The following BMP6 variants were observed in gnomAD, a reference collection of about 807,000 sequenced individuals.
The protein encoded by BMP6 is bone morphogenetic protein 6.
BMP6 carries 17 observed loss-of-function variants against 54.1 expected under a neutral mutation model. The ratio of observed to expected loss-of-function variants is 0.31; its 90% CI spans 0.22 to 0.47. The LOEUF (loss-of-function observed/expected upper bound fraction) is 0.47, where lower values mean the gene tolerates loss of function less well. Ranked by LOEUF, BMP6 falls within the 20% of genes least tolerant of loss-of-function variation. The pLI is 1.00. For synonymous variants in BMP6, 328 were observed against 291.2 expected, an observed-to-expected ratio of 1.13 and a Z score of -1.28; for missense variants, 720 against 690.4, an observed-to-expected ratio of 1.04 and a Z score of -0.48.
intron 1 of BMP6, among the ~76,000 whole-genome samples, chr6:7,834,185 C>CTTTT (rs34020369): frequency 3.7e-5 from 4 of 107,624 alleles, no homozygotes; most frequent in African/African-American, 1.4e-4. Flanking sequence ...AGAACAAATG[C>CTTTT]TTTTTTTTTT....
At chr6:7,825,613 G>A (rs753420260) in intron 1 of BMP6, among the ~76,000 whole-genome samples, 16 of 151,966 alleles carry the variant, frequency 1.1e-4, no homozygotes, top group Non-Finnish European at 2.4e-4. Context: ...ACTGCTACTC[G>A]GGAGGCTGAG....
intron 1 of BMP6, among the ~76,000 whole-genome samples, chr6:7,840,022 G>A (rs7754899): frequency 0.069 from 10,520 of 152,202 alleles, 562 homozygotes; most frequent in African/African-American, 0.15. Flanking sequence ...AAGAAGGAGA[G>A]GAGTTACTGG....
chr6:7,862,312 C>A lies in BMP6; in HGVS notation c.1018C>A (p.His340Asn). ...SVVTRDGVHV[H>N]PRAAGLVGRD... ...GATTTGCATTAAAGGAGTCCACGTC[C>A]ACCCCCGAGCCGCAGGCCTGGTGGG... The change falls in exon 4 of 7, where the codon CAC becomes AAC. Residue 340 changes from histidine (H) to asparagine (N), a missense_variant. This residue lies in a region of BMP6 where 650 missense variants were observed against 556.3 expected (regional missense o/e 1.17). Coordinates refer to ENST00000283147, the MANE Select transcript of BMP6 (RefSeq NM_001718.6). The A allele has an allele frequency of 6.2e-7, 1 of 1,614,210 alleles. No individual in the cohort carries two copies. The highest frequency in any genetic ancestry group is 1.3e-5 in the African/African-American group (1 of 75,054).
At position 7,813,620 on chromosome 6, in the gene BMP6, G is replaced by T. The variant is rs534857789; in HGVS notation, c.665-31520G>T. Among the ~76,000 whole-genome samples, 26 of 125,972 alleles carry T rather than the reference G, an allele frequency of 2.1e-4. No individual in the cohort carries two copies. In the South Asian group the frequency reaches 6.4e-3, roughly 31 times the overall value. The allele number at this position is 125,972 out of a possible 152,430, so 82.6% of individuals were successfully genotyped here. ...ATCACACCACTGCGCTCCAGCCAGGGTGACAGAGTGTGACCCTGTCTCAAA... is the reference window on the plus strand; with the variant it reads ...ATCACACCACTGCGCTCCAGCCAGGTTGACAGAGTGTGACCCTGTCTCAAA... On this transcript the variant is annotated intron_variant, in intron 1 of 6. Coordinates refer to ENST00000283147, the MANE Select transcript of BMP6 (RefSeq NM_001718.6).
At chr6:7,820,012 C>T (rs961327477) in intron 1 of BMP6, among the ~76,000 whole-genome samples, 3 of 152,052 alleles carry the variant, frequency 2.0e-5, no homozygotes, top group African/African-American at 7.2e-5. Flanking sequence ...TACTTTTAAA[C>T]TTTTTGTTTT....
chr6:7,731,005 A>T (rs973259345), intron 1 of BMP6, among the ~76,000 whole-genome samples: 2 of 152,262 alleles, frequency 1.3e-5, no homozygotes, highest in Admixed American at 1.3e-4. Context: ...CAGCCGGACT[A>T]TCAGGAAGTG....
intron 1 of BMP6, among the ~76,000 whole-genome samples, chr6:7,779,200 C>T (rs557780716): frequency 6.6e-6 from 1 of 152,232 alleles, no homozygotes; most frequent in Non-Finnish European, 1.5e-5. Context: ...CCAAGAAATC[C>T]AGTACGTTAT....
chr6:7,794,891 A>G (rs1758170004), intron 1 of BMP6, among the ~76,000 whole-genome samples: 1 of 152,204 alleles, frequency 6.6e-6, no homozygotes, highest in Non-Finnish European at 1.5e-5. Flanking sequence ...GGGATACCCA[A>G]CAGTGTGAAA....
chr6:7,832,930 G>A (rs1224710640), intron 1 of BMP6, among the ~76,000 whole-genome samples: 2 of 151,810 alleles, frequency 1.3e-5, no homozygotes. Context: ...GTTTAAGGTG[G>A]AAAAGGGTGA....
At chr6:7,829,377 AT>A (rs1758753376) in intron 1 of BMP6, among the ~76,000 whole-genome samples, 1 of 152,030 alleles carries the variant, frequency 6.6e-6, no homozygotes, top group Non-Finnish European at 1.5e-5. Context: ...AAAAACCTTG[AT>A]GGTAGGGATC....
At chr6:7,812,582 CAAAATT>C (rs1015742381) in intron 1 of BMP6, among the ~76,000 whole-genome samples, 1 of 151,994 alleles carries the variant, frequency 6.6e-6, no homozygotes, top group African/African-American at 2.4e-5. Flanking sequence ...AAAATATAAA[CAAAATT>C]AAACATATAC....
At chr6:7,840,840 C>A (rs1324046321) in intron 1 of BMP6, among the ~76,000 whole-genome samples, 1 of 152,136 alleles carries the variant, frequency 6.6e-6, no homozygotes, top group Non-Finnish European at 1.5e-5. Context: ...GAACACAGCG[C>A]CGCATTCAGG....
chr6:7,856,690 G>A (rs1329592743), intron 2 of BMP6, among the ~76,000 whole-genome samples: 12 of 138,792 alleles, frequency 8.6e-5, no homozygotes, highest in Non-Finnish European at 1.5e-5. Context: ...TCCGCCTCCC[G>A]GGTTCACGCC....
chr6:7,840,896 C>G (rs1307759765), intron 1 of BMP6, among the ~76,000 whole-genome samples: 4 of 152,156 alleles, frequency 2.6e-5, no homozygotes, highest in Admixed American at 6.5e-5. Flanking sequence ...GCTTACTGGC[C>G]TTTCACAGAA....
At chr6:7,845,950 A>G (rs898039593) in intron 2 of BMP6, among the ~76,000 whole-genome samples, 10 of 152,232 alleles carry the variant, frequency 6.6e-5, no homozygotes, top group Non-Finnish European at 1.0e-4. Flanking sequence ...CTTCCATGGA[A>G]CAATTGCTGG....
chr6:7,742,171 T>C (rs536881786), intron 1 of BMP6, among the ~76,000 whole-genome samples: 2 of 152,378 alleles, frequency 1.3e-5, no homozygotes, highest in African/African-American at 4.8e-5. Flanking sequence ...AGAAGTTACC[T>C]TCTTGCAGGG....
At chr6:7,805,633 G>A (rs1179279166) in intron 1 of BMP6, among the ~76,000 whole-genome samples, 1 of 152,230 alleles carries the variant, frequency 6.6e-6, no homozygotes, top group Non-Finnish European at 1.5e-5. Flanking sequence ...TAACAGAAAT[G>A]AATGTGAATC....
intron 1 of BMP6, among the ~76,000 whole-genome samples, chr6:7,773,989 C>T (rs952596100): frequency 1.6e-4 from 24 of 152,244 alleles, no homozygotes; most frequent in African/African-American, 4.6e-4. Flanking sequence ...TTGACCATCA[C>T]CTCTGTTATT....
At chr6:7,852,018 T>C (rs182550470) in intron 2 of BMP6, among the ~76,000 whole-genome samples, 1 of 152,240 alleles carries the variant, frequency 6.6e-6, no homozygotes, top group Non-Finnish European at 1.5e-5. Context: ...ACTACCTGTT[T>C]GTTCCCTTGA....
Sources: gnomAD v4.1 joint callset for allele counts (sites outside exome capture counted in the v4.1 genomes callset) on GRCh38, gnomAD v4.1.1 for gene constraint, gnomAD v4.1.1 regional missense constraint, MANE v1.5 for transcripts, NCBI Gene and HGNC (gene_info 2026-07-23, HGNC 2026-07-21) for gene names.